PIK3C2G: variants seen among roughly 807,000 people sequenced by gnomAD.
PIK3C2G encodes the protein phosphatidylinositol 3-kinase C2 domain-containing subunit gamma.
In PIK3C2G, 168 loss-of-function variants were observed where a neutral mutation model predicts 181.1. That is an observed-to-expected ratio of 0.93 (90% CI 0.82 to 1.05). The LOEUF (loss-of-function observed/expected upper bound fraction) is 1.05, where lower values mean the gene tolerates loss of function less well. PIK3C2G is among the 50% of genes least tolerant of loss of function. PIK3C2G has a pLI of 0.00. For synonymous variants in PIK3C2G, 573 were observed against 592.2 expected, an observed-to-expected ratio of 0.97 and a Z score of 0.47; for missense variants, 1,869 against 1,732.8, an observed-to-expected ratio of 1.08 and a Z score of -1.40.
At chr12:18,454,524 G>T (rs965333566) in intron 18 of PIK3C2G, among the ~76,000 whole-genome samples, 1 of 152,140 alleles carries the variant, frequency 6.6e-6, no homozygotes, top group Non-Finnish European at 1.5e-5. Context: ...AAAGGAAAAA[G>T]ATCATGCAGG....
chr12:18,527,783 G>T (rs1943322959), intron 24 of PIK3C2G, among the ~76,000 whole-genome samples: 1 of 152,034 alleles, frequency 6.6e-6, no homozygotes, highest in African/African-American at 2.4e-5. Flanking sequence ...CTTAGGAAAG[G>T]AGACTTGATA....
the PIK3C2G span, among the ~76,000 whole-genome samples, chr12:18,669,462 T>C: frequency 6.6e-6 from 1 of 152,212 alleles, no homozygotes; most frequent in Non-Finnish European, 1.5e-5. Flanking sequence ...GATACTGTCT[T>C]AATGTGAACT....
chr12:18,410,817 A>G (rs928450583), intron 16 of PIK3C2G, among the ~76,000 whole-genome samples: 5 of 152,214 alleles, frequency 3.3e-5, no homozygotes, highest in Non-Finnish European at 5.9e-5. Flanking sequence ...CATAATATCT[A>G]CATGGTGCTT....
At chr12:18,481,997 T>C (rs759693993) in intron 18 of PIK3C2G, among the ~76,000 whole-genome samples, 1 of 152,206 alleles carries the variant, frequency 6.6e-6, no homozygotes, top group Admixed American at 6.5e-5. Flanking sequence ...ATTTAAAAAA[T>C]ACTACCTTTT....
intron 30 of PIK3C2G, chr12:18,607,273 T>C (rs1027032928): frequency 8.8e-6 from 4 of 452,280 alleles, no homozygotes; most frequent in Non-Finnish European, 1.8e-5. Flanking sequence ...TAGAGCCTGT[T>C]TGTAGAACTA....
chr12:18,700,530 A>AAAAAAAAAAAAAAC, the PIK3C2G span, among the ~76,000 whole-genome samples: 2 of 150,216 alleles, frequency 1.3e-5, no homozygotes, highest in Non-Finnish European at 3.0e-5. Flanking sequence ...AAAAAAAAAA[A>AAAAAAAAAAAAAAC]AAAAAATAGT....
chr12:18,298,678 C>T (rs551041290), intron 5 of PIK3C2G, among the ~76,000 whole-genome samples: 12 of 151,594 alleles, frequency 7.9e-5, no homozygotes, highest in Middle Eastern at 3.4e-3. Flanking sequence ...CTATAATTTC[C>T]GGATTTAGGT....
intron 18 of PIK3C2G, among the ~76,000 whole-genome samples, chr12:18,474,317 C>T (rs530982434): frequency 6.6e-6 from 1 of 152,164 alleles, no homozygotes; most frequent in South Asian, 2.1e-4. Context: ...GCCTATATTT[C>T]AAGGCCTTAA....
chr12:18,282,306 G>C lies in PIK3C2G; in HGVS notation c.225G>C (p.Gly75=), dbSNP rs1357643346. ...VPTAPKWDST[G]HSLNEAHQIS... is the part of the protein sequence containing the mutation. Reference sequence around the variant, plus strand: ...CTGCACCAAAATGGGACTCAACAGGGCATTCATTAAATGAAGCACACCAAA... The same window carrying C: ...CTGCACCAAAATGGGACTCAACAGGCCATTCATTAAATGAAGCACACCAAA... The change falls in exon 2 of 33, where the codon GGG becomes GGC. Residue 75 remains glycine (G), a synonymous_variant. Coordinates refer to ENST00000538779, the MANE Select transcript of PIK3C2G (RefSeq NM_001288772.2). 8 of 1,612,952 alleles carry C rather than the reference G, an allele frequency of 5.0e-6. No homozygotes were observed. Among genetic ancestry groups the C allele is most frequent in the Non-Finnish European group, 5.9e-6 (7 of 1,179,166 alleles).
chr12:18,248,684 G>A (rs1329391603), intron 1 of PIK3C2G, among the ~76,000 whole-genome samples: 1 of 152,120 alleles, frequency 6.6e-6, no homozygotes, highest in Non-Finnish European at 1.5e-5. Flanking sequence ...TATTTCTTAT[G>A]TATGTAAAGT....
At chr12:18,456,997 A>G (rs998198684) in intron 18 of PIK3C2G, among the ~76,000 whole-genome samples, 29 of 152,154 alleles carry the variant, frequency 1.9e-4, no homozygotes, top group African/African-American at 6.3e-4. Flanking sequence ...GACAAAACCA[A>G]TGATCTTGAA....
intron 21 of PIK3C2G, among the ~76,000 whole-genome samples, 177 bp from the exon 22 acceptor site, chr12:18,497,442 T>C (rs1313666836): frequency 6.6e-6 from 1 of 152,186 alleles, no homozygotes; most frequent in Non-Finnish European, 1.5e-5. Flanking sequence ...AAGTTCTCAT[T>C]TAAAAATTTT....
intron 18 of PIK3C2G, among the ~76,000 whole-genome samples, chr12:18,437,006 T>C (rs1267719694): frequency 6.6e-6 from 1 of 152,024 alleles, no homozygotes; most frequent in Non-Finnish European, 1.5e-5. Flanking sequence ...TTTTCTGCAT[T>C]GAGATTCTCT....
the PIK3C2G span, among the ~76,000 whole-genome samples, chr12:18,659,182 T>C: frequency 6.6e-6 from 1 of 152,156 alleles, no homozygotes. Flanking sequence ...GGAGCTAATA[T>C]ATAAAGGTAC....
the PIK3C2G span, chr12:18,694,880 A>T: frequency 6.6e-7 from 1 of 1,524,896 alleles, no homozygotes; most frequent in Non-Finnish European, 9.0e-7. Context: ...TAATAACCAA[A>T]AAATGTAAAA....
At chr12:18,315,817 T>C (rs1014668240) in intron 6 of PIK3C2G, among the ~76,000 whole-genome samples, 2 of 152,068 alleles carry the variant, frequency 1.3e-5, no homozygotes, top group Admixed American at 1.3e-4. Context: ...ATACTCAGAA[T>C]TTGCAGTATA....
In PIK3C2G at chr12:18,472,295, A is replaced by G. The variant is rs1938534230; in HGVS notation, c.2505-16154A>G. 2.0e-5 allele frequency among the ~76,000 whole-genome samples: 3 copies of G among 152,304 alleles called. No homozygotes were observed. The South Asian group carries it at 6.2e-4, about 32-fold the overall frequency. Reference sequence around the variant, plus strand: ...AATCATCACATCTTAGAAAGAAAACATCTATAAATATTTTATTAGTATTTT... The same window carrying G: ...AATCATCACATCTTAGAAAGAAAACGTCTATAAATATTTTATTAGTATTTT... On this transcript the variant is annotated intron_variant, in intron 18 of 32. Transcript: ENST00000538779.
At chr12:18,650,323 C>A (rs200384967), downstream of PIK3C2G, among the ~76,000 whole-genome samples, 3,813 of 76,886 alleles carry the variant, frequency 0.05, 94 homozygotes, top group Non-Finnish European at 0.059. Flanking sequence ...CTCTCTCTCT[C>A]TCTCTCTCTA....
At chr12:18,378,670 A>G (rs1249212433) in intron 13 of PIK3C2G, among the ~76,000 whole-genome samples, 1 of 152,228 alleles carries the variant, frequency 6.6e-6, no homozygotes, top group East Asian at 1.9e-4. Context: ...TTTACAAGAA[A>G]AAAACAAACA....
Sources: gnomAD v4.1 joint callset for allele counts (sites outside exome capture counted in the v4.1 genomes callset) on GRCh38, gnomAD v4.1.1 for gene constraint, MANE v1.5 for transcripts, NCBI Gene and HGNC (gene_info 2026-07-23, HGNC 2026-07-21) for gene names.